Variants in DAGLB observed in about 807,000 individuals in gnomAD.
DAGLB encodes the protein diacylglycerol lipase-beta.
DAGLB carries 66 observed loss-of-function variants against 72.1 expected under a neutral mutation model. The ratio of observed to expected loss-of-function variants is 0.92; its 90% CI spans 0.75 to 1.12. The LOEUF (loss-of-function observed/expected upper bound fraction) is 1.12. Ranked by LOEUF, DAGLB falls within the 50% of genes most tolerant of loss-of-function variation. The pLI, the probability that DAGLB is intolerant of heterozygous loss-of-function variation, is 0.00. For missense variants in DAGLB, 1,065 were observed against 884.9 expected, an observed-to-expected ratio of 1.20 and a Z score of -2.58; for synonymous variants, 414 against 359.5, an observed-to-expected ratio of 1.15 and a Z score of -1.71.
Position 6,431,820 on chromosome 7 carries a change from G to A in DAGLB, c.801+1017C>T, listed in dbSNP as rs527805904. On this transcript the variant is annotated intron_variant, in intron 5 of 14. Transcript: ENST00000297056. The stretch of plus-strand genomic sequence containing the variant: ...GATGGATGATAAAGTGGCCAGGAAT[G>A]GGTTCCCACTACCTGAACTCCAGTT... Among the ~76,000 whole-genome samples, 46 of 152,154 alleles carry A rather than the reference G, an allele frequency of 3.0e-4. No individual in the cohort carries two copies. The South Asian group carries it at 8.1e-3, about 27-fold the overall frequency.
At chr7:6,436,603 A>G in intron 2 of DAGLB, 70 bp from the exon 3 acceptor site, 2 of 1,597,810 alleles carry the variant, frequency 1.3e-6, no homozygotes, top group Non-Finnish European at 1.7e-6. Flanking sequence ...TTTTGCAAAA[A>G]TACAGCTTTT....
Position 6,427,272 on chromosome 7 carries a change from C to T in DAGLB, c.930-1158G>A, listed in dbSNP as rs989262809. 8.5e-5 allele frequency among the ~76,000 whole-genome samples: 13 copies of T among 152,238 alleles called. No individual in the cohort carries two copies. The South Asian group carries it at 1.0e-3, about 12-fold the overall frequency. On this transcript the variant is annotated intron_variant, in intron 6 of 14. Transcript: ENST00000297056. Reference sequence around the variant, plus strand: ...TAGGGGACTGAGCATGGGTAACTCACGCTGATGTTGCTGGGAGCCAAGCTT... The same window carrying T: ...TAGGGGACTGAGCATGGGTAACTCATGCTGATGTTGCTGGGAGCCAAGCTT...
In DAGLB at chr7:6,410,279, C is replaced by G. The variant is rs1583276626; in HGVS notation, c.1671G>C (p.Gln557His). ...GTAGGCTCTGCTCCCCCAGAAGAGGCTGTGTCAGGACTTCCTGGTCGCCCC... is the reference window on the plus strand; with the variant it reads ...GTAGGCTCTGCTCCCCCAGAAGAGGGTGTGTCAGGACTTCCTGGTCGCCCC... ...LDGGDQEVLT[Q>H]PLLGEQSLLT... The change falls in exon 14 of 15, where the codon CAG (glutamine) becomes CAC (histidine). Residue 557 changes from glutamine to histidine, a missense_variant. Gln to His is a conservative substitution (Grantham distance 24). Transcript: ENST00000297056. The G allele has an allele frequency of 6.2e-7, 1 of 1,613,896 alleles. No individual in the cohort carries two copies.
intron 6 of DAGLB, among the ~76,000 whole-genome samples, chr7:6,428,215 G>A (rs1176505558): frequency 1.3e-5 from 2 of 149,650 alleles, no homozygotes; most frequent in African/African-American, 2.5e-5. Flanking sequence ...GTATGGTGGT[G>A]CAGGCCTGTA....
chr7:6,411,811 A>C (rs957109258), intron 13 of DAGLB, among the ~76,000 whole-genome samples: 1 of 152,196 alleles, frequency 6.6e-6, no homozygotes, highest in African/African-American at 2.4e-5. Flanking sequence ...CAAAATTCAT[A>C]TATCTGTATC....
chr7:6,446,746 C>T (rs374105320), intron 1 of DAGLB, among the ~76,000 whole-genome samples: 17 of 151,514 alleles, frequency 1.1e-4, no homozygotes, highest in African/African-American at 3.9e-4. Flanking sequence ...CGGCGGCTCA[C>T]GTCTGTAATC....
intron 2 of DAGLB, among the ~76,000 whole-genome samples, chr7:6,445,409 T>C (rs188292863): frequency 2.6e-5 from 4 of 152,288 alleles, no homozygotes; most frequent in African/African-American, 7.2e-5. Context: ...TTATATGATG[T>C]CCACAATAGG....
chr7:6,443,249 TAAAAA>T (rs60124255), intron 2 of DAGLB, among the ~76,000 whole-genome samples: 2,287 of 78,194 alleles, frequency 0.029, 86 homozygotes, highest in Admixed American at 0.14. Context: ...TTGTCTCTAC[TAAAAA>T]AAAAAAAAAA....
intron 2 of DAGLB, among the ~76,000 whole-genome samples, chr7:6,437,349 A>G (rs2115287091): frequency 6.6e-6 from 1 of 152,216 alleles, no homozygotes; most frequent in Middle Eastern, 3.4e-3. Flanking sequence ...TTATGTGCGT[A>G]GTTCTGTAAT....
At chr7:6,425,594 C>T (rs767147575) in intron 7 of DAGLB, among the ~76,000 whole-genome samples, 3 of 152,106 alleles carry the variant, frequency 2.0e-5, no homozygotes, top group Non-Finnish European at 4.4e-5. Context: ...GCAGCTTCTC[C>T]CAAGGTGACA....
intron 1 of DAGLB, among the ~76,000 whole-genome samples, chr7:6,447,076 C>T (rs1255007080): frequency 6.6e-6 from 1 of 152,190 alleles, no homozygotes; most frequent in Non-Finnish European, 1.5e-5. Context: ...TGCCCTCAAG[C>T]AATCCTCCCG....
At chr7:6,417,822 A>G (rs1479657603) in intron 9 of DAGLB, 2 of 152,212 alleles carry the variant, frequency 1.3e-5, no homozygotes, top group African/African-American at 4.8e-5. Flanking sequence ...TAGGGTGGTC[A>G]GGTTTGGCTT....
chr7:6,430,366 T>C, intron 6 of DAGLB, 114 bp downstream of exon 6: 2 of 1,243,862 alleles, frequency 1.6e-6, no homozygotes, highest in Non-Finnish European at 2.0e-6. Context: ...TGACTCTAGG[T>C]AAAGGATTCA....
chr7:6,416,968 A>C, intron 9 of DAGLB, 47 bp from the exon 10 acceptor site: 1 of 1,603,106 alleles, frequency 6.2e-7, no homozygotes, highest in Non-Finnish European at 8.5e-7. Context: ...CAGACAAGGC[A>C]GGCCCAGCAG....
intron 5 of DAGLB, among the ~76,000 whole-genome samples, chr7:6,432,527 G>A (rs977632256): frequency 3.3e-5 from 5 of 151,696 alleles, no homozygotes; most frequent in Non-Finnish European, 7.4e-5. Context: ...AGGTGTGGTG[G>A]CAGGCGCCTG....
chr7:6,434,431 T>C (rs1784587935), intron 4 of DAGLB, among the ~76,000 whole-genome samples: 1 of 152,180 alleles, frequency 6.6e-6, no homozygotes, highest in Non-Finnish European at 1.5e-5. Context: ...CTGTGCTTGG[T>C]ATCTGCTCAA....
intron 2 of DAGLB, among the ~76,000 whole-genome samples, chr7:6,442,132 G>C (rs1036818761): frequency 6.6e-6 from 1 of 152,110 alleles, no homozygotes; most frequent in Admixed American, 6.6e-5. Flanking sequence ...GGCCAAACTG[G>C]GTCACGTGTC....
intron 6 of DAGLB, among the ~76,000 whole-genome samples, chr7:6,427,201 T>G (rs967379330): frequency 6.6e-5 from 10 of 152,222 alleles, no homozygotes; most frequent in African/African-American, 2.4e-4. Flanking sequence ...ATGCCCTTTT[T>G]GTAGTGGAAC....
chr7:6,432,282 G>A (rs1026786733), intron 5 of DAGLB, among the ~76,000 whole-genome samples: 4 of 151,772 alleles, frequency 2.6e-5, no homozygotes, highest in African/African-American at 9.7e-5. Flanking sequence ...GGAGGTGGAA[G>A]TTGTGGTGAG....
Sources: allele counts gnomAD v4.1 joint callset (sites outside exome capture counted in the v4.1 genomes callset), GRCh38; gene constraint gnomAD v4.1.1; transcripts MANE v1.5; gene names NCBI Gene and HGNC (gene_info 2026-07-23, HGNC 2026-07-21).